Variants in TESK2 observed in about 807,000 individuals in gnomAD.
TESK2 encodes the protein dual specificity testis-specific protein kinase 2.
In TESK2, 39 loss-of-function variants were observed where a neutral mutation model predicts 57.1. The ratio of observed to expected loss-of-function variants is 0.68; its 90% confidence interval spans 0.53 to 0.89. TESK2 has a LOEUF of 0.89. Ranked by LOEUF, TESK2 falls within the 40% of genes least tolerant of loss-of-function variation. The probability of loss-of-function intolerance (pLI) is 0.00; values close to 1 mark genes in which losing one functional copy is unlikely to be tolerated. For missense variants in TESK2, 646 were observed against 732.1 expected (o/e 0.88, Z 1.36); for synonymous variants, 249 against 267.9 (o/e 0.93, Z 0.69).
At chr1:45,461,327 TG>T (rs1652321931) in intron 1 of TESK2, among the ~76,000 whole-genome samples, 1 of 152,080 alleles carries the variant, frequency 6.6e-6, no homozygotes, top group African/African-American at 2.4e-5. Context: ...CACTCCAACC[TG>T]GGTGACAGAG....
intron 3 of TESK2, 96 bp from the exon 4 acceptor site, chr1:45,386,056 C>A (rs1056132186): frequency 6.8e-6 from 6 of 876,286 alleles, no homozygotes; most frequent in South Asian, 1.5e-5. Context: ...TTAGAAACAA[C>A]CTGTGGGGTG....
At chr1:45,436,442 C>G (rs1651228616) in intron 2 of TESK2, among the ~76,000 whole-genome samples, 1 of 146,776 alleles carries the variant, frequency 6.8e-6, no homozygotes, top group Non-Finnish European at 1.5e-5. Flanking sequence ...ACTTCGGCCT[C>G]CCAAAGTGCT....
In TESK2 at chr1:45,344,783, G is replaced by A; in HGVS notation, c.*57C>T. ...AAGAATCAAGGCTGTGCACCTAGGGGGCCATATGGTTTCAGCTGAAGGTCC... is the reference window on the plus strand; with the variant it reads ...AAGAATCAAGGCTGTGCACCTAGGGAGCCATATGGTTTCAGCTGAAGGTCC... On this transcript the variant is annotated 3_prime_UTR_variant, in exon 11 of 11. Transcript: ENST00000372086. The A allele has an allele frequency of 6.8e-7, 1 of 1,471,428 alleles. No individual in the cohort carries two copies. The highest frequency in any genetic ancestry group is 1.3e-5 in the South Asian group (1 of 79,692). 91.1% of individuals were successfully genotyped at this position (1,471,428 alleles called of 1,614,324 possible).
In TESK2 at chr1:45,384,381, A is replaced by ATCTGTCTG. The variant is rs201603264; in HGVS notation, c.393+1530_393+1531insCAGACAGA. Among the ~76,000 whole-genome samples, 787 of 134,726 alleles carry ATCTGTCTG rather than the reference A, an allele frequency of 5.8e-3. 8 individuals are homozygous for ATCTGTCTG. The highest frequency in any genetic ancestry group is 0.021 in the African/African-American group (713 of 34,484). The allele number at this position is 134,726 out of a possible 152,430, so 88.4% of individuals were successfully genotyped here. A position where few individuals can be genotyped will look rare whatever the true frequency, so the allele number is the denominator to read the frequency against. ...TACGTACGTATCTATCTATCTATCT[A>ATCTGTCTG]TCTATCTGTCTATCTATCTATCTAT... On this transcript the variant is annotated intron_variant, in intron 4 of 10. Transcript: ENST00000372086.
At chr1:45,415,545 A>G (rs1650204722) in intron 3 of TESK2, among the ~76,000 whole-genome samples, 1 of 152,112 alleles carries the variant, frequency 6.6e-6, no homozygotes, top group South Asian at 2.1e-4. Flanking sequence ...AATAAAAACT[A>G]AATAACAACA....
Position 45,355,565 on chromosome 1 carries a change from T to C in TESK2, c.394-116A>G. On this transcript the variant is annotated intron_variant, in intron 4 of 10. Coordinates refer to ENST00000372086, the MANE Select transcript of TESK2 (RefSeq NM_007170.3). ...AGACTGTATTTTTTTTTTAAGTTAC[T>C]GAGGGCTTATTCTGCCTCCAAGCAC... The C allele has an allele frequency of 3.3e-6, 4 of 1,198,878 alleles. No individual in the cohort carries two copies. In the South Asian group the frequency reaches 4.9e-5, roughly 15 times the overall value. The allele number at this position is 1,198,878 out of a possible 1,614,324, so 74.3% of individuals were successfully genotyped here. A position where few individuals can be genotyped will look rare whatever the true frequency, so the allele number is the denominator to read the frequency against.
chr1:45,475,192 C>G (rs1275605914), intron 1 of TESK2, among the ~76,000 whole-genome samples: 1 of 146,826 alleles, frequency 6.8e-6, no homozygotes, highest in Non-Finnish European at 1.5e-5. Context: ...AAGTTAGGTT[C>G]CTTGTGTTAG....
At chr1:45,473,136 T>TAAGACTCCG (rs1652843072) in intron 1 of TESK2, among the ~76,000 whole-genome samples, 1 of 137,000 alleles carries the variant, frequency 7.3e-6, no homozygotes. Context: ...GGCAAGACAG[T>TAAGACTCCG]AAGACTCCGT....
chr1:45,442,092 A>G (rs1651469773), intron 2 of TESK2, among the ~76,000 whole-genome samples: 1 of 151,900 alleles, frequency 6.6e-6, no homozygotes, highest in Non-Finnish European at 1.5e-5. Context: ...ATGCACCACC[A>G]TGCCTGGCTA....
chr1:45,416,806 A>ATTC (rs1650260726), intron 3 of TESK2, among the ~76,000 whole-genome samples: 1 of 143,954 alleles, frequency 6.9e-6, no homozygotes. Context: ...TTTTTTTTTG[A>ATTC]GACAGAGTCT....
At chr1:45,485,238 G>A (rs2149309559) in intron 1 of TESK2, among the ~76,000 whole-genome samples, 1 of 148,832 alleles carries the variant, frequency 6.7e-6, no homozygotes, top group South Asian at 2.1e-4. Flanking sequence ...GCCCACGCTG[G>A]AGTGCAGTGG....
chr1:45,454,400 ATAG>A (rs1185326185), intron 2 of TESK2, among the ~76,000 whole-genome samples: 1 of 151,972 alleles, frequency 6.6e-6, no homozygotes, highest in Non-Finnish European at 1.5e-5. Flanking sequence ...TACTGTTAAG[ATAG>A]TAAGAAAAAG....
chr1:45,361,138 C>T (rs1647668652), intron 4 of TESK2, among the ~76,000 whole-genome samples: 1 of 152,164 alleles, frequency 6.6e-6, no homozygotes, highest in Admixed American at 6.5e-5. Context: ...TACACGGTCT[C>T]TGTGCCCATT....
chr1:45,487,495 C>T (rs1361247152), intron 1 of TESK2, among the ~76,000 whole-genome samples: 1 of 152,186 alleles, frequency 6.6e-6, no homozygotes, highest in African/African-American at 2.4e-5. Flanking sequence ...CTTCAATAAC[C>T]TACACCTCCA....
intron 3 of TESK2, chr1:45,415,247 A>G: frequency 1.4e-6 from 2 of 1,448,694 alleles, no homozygotes; most frequent in South Asian, 2.3e-5. Flanking sequence ...GGCAAGGTGA[A>G]AGAAGGCATG....
At chr1:45,427,597 T>A (rs1650751601) in intron 2 of TESK2, among the ~76,000 whole-genome samples, 1 of 152,240 alleles carries the variant, frequency 6.6e-6, no homozygotes, top group Non-Finnish European at 1.5e-5. Context: ...GATTAGAACC[T>A]GTCATTTGCA....
chr1:45,487,134 A>G (rs1251989780), intron 1 of TESK2, among the ~76,000 whole-genome samples: 3 of 152,062 alleles, frequency 2.0e-5, no homozygotes, highest in Admixed American at 1.3e-4. Flanking sequence ...CAGCCAGCAC[A>G]TATATTTTAA....
At chr1:45,403,881 C>T (rs59796793) in intron 3 of TESK2, among the ~76,000 whole-genome samples, 6,528 of 85,188 alleles carry the variant, frequency 0.077, 603 homozygotes, top group African/African-American at 0.27. Context: ...GCCATGCAAG[C>T]GAAAAAAAAA....
chr1:45,348,188 T>G (rs1479555660), intron 5 of TESK2, among the ~76,000 whole-genome samples, 188 bp from the exon 6 acceptor site: 1 of 152,198 alleles, frequency 6.6e-6, no homozygotes, highest in Non-Finnish European at 1.5e-5. Context: ...GAGTTAGTCC[T>G]GGGTCTTGGG....
Sources: allele counts gnomAD v4.1 joint callset (sites outside exome capture counted in the v4.1 genomes callset), GRCh38; gene constraint gnomAD v4.1.1; transcripts MANE v1.5; gene names NCBI Gene and HGNC (gene_info 2026-07-23, HGNC 2026-07-21).